HCN1: variants seen among roughly 807,000 people sequenced by gnomAD.
The protein encoded by HCN1 is hyperpolarization activated cyclic nucleotide gated potassium channel 1, also known as potassium/sodium hyperpolarization-activated cyclic nucleotide-gated channel 1.
A neutral mutation model predicts 78.9 loss-of-function variants in HCN1; 13 were observed. The ratio of observed to expected loss-of-function variants is 0.16; its 90% confidence interval spans 0.11 to 0.26. HCN1 has a LOEUF of 0.26. Ranked by LOEUF, HCN1 falls within the 10% of genes least tolerant of loss-of-function variation. The pLI, the probability that HCN1 is intolerant of heterozygous loss-of-function variation, is 1.00. For missense variants in HCN1, 810 were observed against 1,154.3 expected (o/e 0.70, Z 4.32); for synonymous variants, 552 against 455.5 (o/e 1.21, Z -2.70).
intron 5 of HCN1, among the ~76,000 whole-genome samples, chr5:45,307,573 T>C: frequency 6.6e-6 from 1 of 152,064 alleles, no homozygotes; most frequent in East Asian, 1.9e-4. Flanking sequence ...CCCATTTTAA[T>C]CATGACAAAA....
At chr5:45,461,622 A>G (rs760421928) in intron 3 of HCN1, among the ~76,000 whole-genome samples, 2 of 152,170 alleles carry the variant, frequency 1.3e-5, no homozygotes, top group Non-Finnish European at 2.9e-5. Context: ...AATATATAAA[A>G]GTAGATGTTG....
intron 4 of HCN1, among the ~76,000 whole-genome samples, chr5:45,372,563 T>A (rs1286152534): frequency 1.8e-4 from 22 of 125,312 alleles, no homozygotes; most frequent in Non-Finnish European, 3.2e-5. Flanking sequence ...ATAAAACATT[T>A]ACATATAAAA....
chr5:45,550,661 A>G (rs1352524135), intron 2 of HCN1, among the ~76,000 whole-genome samples: 1 of 151,794 alleles, frequency 6.6e-6, no homozygotes, highest in African/African-American at 2.4e-5. Flanking sequence ...AAAAAAGGTA[A>G]TGGATGAGTT....
chr5:45,405,178 T>G (rs372821289), intron 3 of HCN1, among the ~76,000 whole-genome samples: 95 of 152,300 alleles, frequency 6.2e-4, no homozygotes, highest in African/African-American at 1.9e-3. Flanking sequence ...TTTATCAATT[T>G]TGGAAATGCC....
chr5:45,279,094 A>G (rs1370261950), intron 6 of HCN1, among the ~76,000 whole-genome samples: 5 of 152,214 alleles, frequency 3.3e-5, no homozygotes, highest in African/African-American at 1.2e-4. Context: ...TAAAATCTGG[A>G]AAGAACAGAA....
At chr5:45,336,543 G>A (rs552667127) in intron 5 of HCN1, among the ~76,000 whole-genome samples, 1 of 152,064 alleles carries the variant, frequency 6.6e-6, no homozygotes, top group East Asian at 1.9e-4. Context: ...TCTATACCTT[G>A]AAGTGTCTCA....
At chr5:45,373,019 A>C (rs1320394632) in intron 4 of HCN1, among the ~76,000 whole-genome samples, 3 of 137,868 alleles carry the variant, frequency 2.2e-5, no homozygotes, top group African/African-American at 7.8e-5. Flanking sequence ...TAAAATATAT[A>C]TATTTTACAT....
chr5:45,660,697 G>A (rs1295219510), intron 1 of HCN1, among the ~76,000 whole-genome samples: 1 of 139,198 alleles, frequency 7.2e-6, no homozygotes, highest in Non-Finnish European at 1.6e-5. Context: ...AAGATCAAAA[G>A]AGACAAAGAA....
chr5:45,498,168 T>C (rs959351267), intron 2 of HCN1, among the ~76,000 whole-genome samples: 11 of 152,234 alleles, frequency 7.2e-5, no homozygotes, highest in Non-Finnish European at 5.9e-5. Flanking sequence ...CTGGATAATG[T>C]CCTGCAGAGT....
At chr5:45,506,904 T>C (rs1368237507) in intron 2 of HCN1, among the ~76,000 whole-genome samples, 1 of 152,172 alleles carries the variant, frequency 6.6e-6, no homozygotes, top group Non-Finnish European at 1.5e-5. Flanking sequence ...ATGCATTTAG[T>C]GGCCTCAAAC....
intron 2 of HCN1, among the ~76,000 whole-genome samples, chr5:45,487,401 G>A (rs1741789588): frequency 6.6e-6 from 1 of 151,970 alleles, no homozygotes. Flanking sequence ...TTTGAGAGCG[G>A]CATTGTACAT....
At chr5:45,382,397 G>T (rs1050166560) in intron 4 of HCN1, among the ~76,000 whole-genome samples, 2 of 152,120 alleles carry the variant, frequency 1.3e-5, no homozygotes, top group African/African-American at 4.8e-5. Flanking sequence ...CAAATAGAAG[G>T]TACTGGATTT....
At chr5:45,658,571 C>G (rs907639557) in intron 1 of HCN1, among the ~76,000 whole-genome samples, 2 of 152,012 alleles carry the variant, frequency 1.3e-5, no homozygotes, top group Non-Finnish European at 2.9e-5. Flanking sequence ...GAGTGCCAGA[C>G]AGTGGGCGCA....
chr5:45,375,178 ATAATG>A (rs1747585094), intron 4 of HCN1, among the ~76,000 whole-genome samples: 1 of 121,174 alleles, frequency 8.3e-6, no homozygotes, highest in Non-Finnish European at 1.6e-5. Flanking sequence ...TTTATAATAT[ATAATG>A]TATTATATAT....
intron 5 of HCN1, among the ~76,000 whole-genome samples, chr5:45,306,012 T>A (rs571891944): frequency 3.9e-5 from 6 of 152,114 alleles, no homozygotes; most frequent in South Asian, 2.1e-4. Flanking sequence ...TATTAAAAAA[T>A]TTGTTTTTAC....
In HCN1 at chr5:45,695,990, G is replaced by C; in HGVS notation, c.104C>G (p.Ala35Gly). The C allele has an allele frequency of 7.7e-7, 1 of 1,294,344 alleles. No individual in the cohort carries two copies. Among genetic ancestry groups the C allele is most frequent in the Non-Finnish European group, 9.8e-7 (1 of 1,019,802 alleles). The allele number at this position is 1,294,344 out of a possible 1,614,324, so 80.2% of individuals were successfully genotyped here. ...ASATGAGPAAAEKRLGTPPGG... is the reference protein window; with the variant it reads ...ASATGAGPAAGEKRLGTPPGG... ...CGGCGGGGTGCCCAGGCGCTTCTCG[G>C]CCGCGGCCGGCCCCGCGCCCGTCGC... Residue 35 changes from alanine to glycine, a missense_variant, in exon 1 of 8, where the codon GCC (alanine) becomes GGC (glycine). Coordinates refer to ENST00000303230, the MANE Select transcript of HCN1 (RefSeq NM_021072.4).
intron 1 of HCN1, among the ~76,000 whole-genome samples, chr5:45,652,501 T>G (rs1745693277): frequency 6.6e-6 from 1 of 152,022 alleles, no homozygotes; most frequent in East Asian, 1.9e-4. Context: ...TCCTTCAGCC[T>G]CTCCAACCTC....
At chr5:45,381,278 G>T (rs1677110408) in intron 4 of HCN1, among the ~76,000 whole-genome samples, 1 of 152,000 alleles carries the variant, frequency 6.6e-6, no homozygotes, top group Admixed American at 6.6e-5. Context: ...TACGATATAA[G>T]ATAGGAAAAC....
chr5:45,582,169 C>T (rs1377213637), intron 2 of HCN1, among the ~76,000 whole-genome samples: 1 of 152,140 alleles, frequency 6.6e-6, no homozygotes, highest in Non-Finnish European at 1.5e-5. Flanking sequence ...AATGTTCTTC[C>T]ATTTGTTTGT....
Sources: allele counts gnomAD v4.1 joint callset (sites outside exome capture counted in the v4.1 genomes callset), GRCh38; gene constraint gnomAD v4.1.1; transcripts MANE v1.5; gene names NCBI Gene and HGNC (gene_info 2026-07-23, HGNC 2026-07-21).